The following DDX17 variants were observed in gnomAD, a reference collection of about 807,000 sequenced individuals.
DDX17 encodes probable ATP-dependent RNA helicase DDX17.
In DDX17, 10 loss-of-function variants were observed where a neutral mutation model predicts 80.8. The observed-to-expected ratio is 0.12, with a 90% CI of 0.08 to 0.21. DDX17 has a LOEUF of 0.21. Ranked by LOEUF, DDX17 falls within the 10% of genes least tolerant of loss-of-function variation. DDX17 has a pLI of 1.00. For missense variants in DDX17, 586 were observed against 957.4 expected (o/e 0.61, Z 5.12); for synonymous variants, 339 against 336.2 (o/e 1.01, Z -0.09).
At chr22:38,495,372 A>G (rs978488606) in intron 6 of DDX17, among the ~76,000 whole-genome samples, 2 of 147,606 alleles carry the variant, frequency 1.4e-5, no homozygotes, top group African/African-American at 2.5e-5. Context: ...CAGCCTCCCC[A>G]GTAGCTGGGA....
At chr22:38,493,514 C>T (rs1453198594) in intron 10 of DDX17, 196 bp downstream of exon 10, 3 of 581,204 alleles carry the variant, frequency 5.2e-6, no homozygotes, top group Non-Finnish European at 6.3e-6. Context: ...TACATATTAT[C>T]TACAGCCTAC....
intron 10 of DDX17, 50 bp from the exon 11 acceptor site, chr22:38,492,165 G>A: frequency 2.0e-6 from 3 of 1,494,358 alleles, no homozygotes; most frequent in Non-Finnish European, 1.8e-6. Context: ...CTTGCTATCT[G>A]ATCTGTTTAC....
intron 11 of DDX17, chr22:38,490,428 T>C (rs1466908673): frequency 1.6e-6 from 2 of 1,289,244 alleles, no homozygotes; most frequent in African/African-American, 3.0e-5. Context: ...GCAGCTGATA[T>C]CAAAGCTTCT....
Position 38,495,752 on chromosome 22 carries a change from A to G in DDX17, c.880+44T>C, listed in dbSNP as rs1368904111. On this transcript the variant is annotated intron_variant, in intron 6 of 12. Transcript: ENST00000403230. ...TCCAATTTCCTCCACAGGAATTGGT[A>G]AAGTAAGATAAACTAACAATTCTTT... 8 of 1,413,720 alleles carry G rather than the reference A, an allele frequency of 5.7e-6. No homozygotes were observed. In the African/African-American group the frequency reaches 5.8e-5, roughly 10 times the overall value. 87.6% of individuals were successfully genotyped at this position (1,413,720 alleles called of 1,614,324 possible).
rs942995935 is a variant in DDX17, at chr22:38,485,031, TGCA to T, written c.*901_*903del. On this transcript the variant is annotated 3_prime_UTR_variant, in exon 13 of 13. Coordinates refer to ENST00000403230, the MANE Select transcript of DDX17 (RefSeq NM_006386.5). ...TTATAATTAAATGTGCTTTTTACAC[TGCA>T]GGTCAATATAAAAACTGGTTAGTAA... The T allele has an allele frequency of 2.0e-4, 30 of 152,240 alleles. No individual in the cohort carries two copies. The highest frequency in any genetic ancestry group is 7.2e-4 in the African/African-American group (30 of 41,464). The allele number at this position is 152,240 out of a possible 1,614,324, so 9.4% of individuals were successfully genotyped here.
At chr22:38,493,433 C>A in intron 10 of DDX17, 1 of 327,732 alleles carries the variant, frequency 3.1e-6, no homozygotes, top group Non-Finnish European at 5.6e-6. Context: ...GTGATCCACG[C>A]GCCTCAGCCT....
chr22:38,502,492 C>T (rs1439464749), intron 1 of DDX17, among the ~76,000 whole-genome samples: 1 of 151,104 alleles, frequency 6.6e-6, no homozygotes, highest in African/African-American at 2.4e-5. Flanking sequence ...CTATCTCCTT[C>T]TTGTTCCCAA....
At chr22:38,499,731 T>A (rs1235030284) in intron 2 of DDX17, among the ~76,000 whole-genome samples, 1 of 152,054 alleles carries the variant, frequency 6.6e-6, no homozygotes, top group African/African-American at 2.4e-5. Context: ...AGAAAAAAGA[T>A]AAGTAACTTG....
rs2089644171 is a variant in DDX17, at chr22:38,485,351, A to G, written c.*584T>C. 6.6e-6 allele frequency: 1 copy of G among 152,234 alleles called. No individual in the cohort carries two copies. Among genetic ancestry groups the G allele is most frequent in the Admixed American group, 6.5e-5 (1 of 15,280 alleles). The allele number at this position is 152,234 out of a possible 1,614,324, so 9.4% of individuals were successfully genotyped here. On this transcript the variant is annotated 3_prime_UTR_variant, in exon 13 of 13. Transcript: ENST00000403230. ...AAATAAAACCAATTAGTAATTTTTAACTATCAAATGCACTCCAGCAATCAG... is the reference window on the plus strand; with the variant it reads ...AAATAAAACCAATTAGTAATTTTTAGCTATCAAATGCACTCCAGCAATCAG...
At chr22:38,492,227 T>A in intron 10 of DDX17, 112 bp from the exon 11 acceptor site, 1 of 798,624 alleles carries the variant, frequency 1.3e-6, no homozygotes, top group Admixed American at 3.0e-5. Flanking sequence ...CAAGCTCTTG[T>A]AATGACTGAC....
rs146665711 is a variant in DDX17 at position 38,494,207 on chromosome 22, C to T, written c.1215-76G>A. 8 of 993,528 alleles carry T rather than the reference C, an allele frequency of 8.1e-6. No homozygotes were observed. The African/African-American group carries it at 1.1e-4, about 14-fold the overall frequency. The allele number at this position is 993,528 out of a possible 1,614,324, so 61.5% of individuals were successfully genotyped here. A position where few individuals can be genotyped will look rare whatever the true frequency, so the allele number is the denominator to read the frequency against. ...ACGATTATGTCTGCAATATCAACTC[C>T]CAAGGCTACAGTACTTTCTTTGCAC... On this transcript the variant is annotated intron_variant, in intron 8 of 12. Coordinates refer to ENST00000403230, the MANE Select transcript of DDX17 (RefSeq NM_006386.5).
At chr22:38,498,984 C>G (rs932864638) in intron 3 of DDX17, among the ~76,000 whole-genome samples, 16 of 152,146 alleles carry the variant, frequency 1.1e-4, no homozygotes, top group Non-Finnish European at 1.8e-4. Flanking sequence ...TGCACTTCAG[C>G]CTGGGTGACA....
rs886647205 is a variant in DDX17, at chr22:38,485,479, G to A, written c.*456C>T. 6.6e-6 allele frequency: 1 copy of A among 151,996 alleles called. No homozygotes were observed. Among genetic ancestry groups the A allele is most frequent in the Non-Finnish European group, 1.5e-5 (1 of 68,050 alleles). 9.4% of individuals were successfully genotyped at this position (151,996 alleles called of 1,614,324 possible). A position where few individuals can be genotyped will look rare whatever the true frequency, so the allele number is the denominator to read the frequency against. On this transcript the variant is annotated 3_prime_UTR_variant, in exon 13 of 13. Transcript: ENST00000403230. ...TCTTTGTTTTCTAACCCAGTAATGA[G>A]AAATTTAAAGCACAGATGCCATCTT...
chr22:38,489,698 C>A lies in DDX17; in HGVS notation c.1448-1583G>T. The A allele has an allele frequency of 4.1e-6, 4 of 985,110 alleles. No individual in the cohort carries two copies. The highest frequency in any genetic ancestry group is 4.8e-6 in the Non-Finnish European group (4 of 829,914). 61.0% of individuals were successfully genotyped at this position (985,110 alleles called of 1,614,324 possible). A position where few individuals can be genotyped will look rare whatever the true frequency, so the allele number is the denominator to read the frequency against. On this transcript the variant is annotated intron_variant, in intron 11 of 12. Coordinates refer to ENST00000403230, the MANE Select transcript of DDX17 (RefSeq NM_006386.5). The surrounding 1 kb of genome is among the most constrained non-coding windows in gnomAD (Gnocchi z 4.6). ...TGTCTGTTTCTTATTACAATAAAGG[C>A]TCCTCGGTCTTTACTGACCCCTAAA...
At chr22:38,499,294 C>T (rs2089802939) in intron 3 of DDX17, 106 bp downstream of exon 3, 3 of 808,178 alleles carry the variant, frequency 3.7e-6, no homozygotes, top group Middle Eastern at 4.5e-4. Context: ...AATCTCTTGT[C>T]CTTTCAACAA....
At chr22:38,496,370 C>CA (rs1424938819) in intron 5 of DDX17, among the ~76,000 whole-genome samples, 2 of 152,152 alleles carry the variant, frequency 1.3e-5, no homozygotes, top group Non-Finnish European at 2.9e-5. Context: ...TTTTCTGAGA[C>CA]AAAGTCTCAC....
Position 38,489,018 on chromosome 22 carries a change from G to A in DDX17, c.1448-903C>T, listed in dbSNP as rs200810548. 4.1e-6 allele frequency: 4 copies of A among 985,030 alleles called. No homozygotes were observed. The highest frequency in any genetic ancestry group is 1.1e-4 in the East Asian group (1 of 8,818). The allele number at this position is 985,030 out of a possible 1,614,324, so 61.0% of individuals were successfully genotyped here. ...GGAATTGGGCTGAATAACCTCCTAA[G>A]GCTTAAAATGTAAATGTTAGTGTAA... is the stretch of plus-strand genomic sequence containing the variant. On this transcript the variant is annotated intron_variant, in intron 11 of 12. Coordinates refer to ENST00000403230, the MANE Select transcript of DDX17 (RefSeq NM_006386.5). The surrounding 1 kb of genome is among the most constrained non-coding windows in gnomAD (Gnocchi z 4.6).
rs1296493598 is a variant in DDX17 at position 38,485,978 on chromosome 22, T to C, written c.2147A>G (p.Gln716Arg). Reference sequence around the variant, plus strand: ...AGGAGGGGGAGGAGGAGGAGGGTATTGGTAGGCAGTCTGCCCCATGTAACC... The same window carrying C: ...AGGAGGGGGAGGAGGAGGAGGGTATCGGTAGGCAGTCTGCCCCATGTAACC... The change falls in exon 13 of 13, where the codon CAA becomes CGA. Residue 716 changes from glutamine (Q) to arginine (R), a missense_variant. Coordinates refer to ENST00000403230, the MANE Select transcript of DDX17 (RefSeq NM_006386.5). 6.2e-7 allele frequency: 1 copy of C among 1,613,890 alleles called. No homozygotes were observed. Among genetic ancestry groups the C allele is most frequent in the Admixed American group, 1.7e-5 (1 of 59,994 alleles).
Position 38,485,359 on chromosome 22 carries a change from A to G in DDX17, c.*576T>C, listed in dbSNP as rs922893655. 1.3e-5 allele frequency: 2 copies of G among 152,210 alleles called. No individual in the cohort carries two copies. The highest frequency in any genetic ancestry group is 2.9e-5 in the Non-Finnish European group (2 of 68,042). The allele number at this position is 152,210 out of a possible 1,614,324, so 9.4% of individuals were successfully genotyped here. A position where few individuals can be genotyped will look rare whatever the true frequency, so the allele number is the denominator to read the frequency against. On this transcript the variant is annotated 3_prime_UTR_variant, in exon 13 of 13. Coordinates refer to ENST00000403230, the MANE Select transcript of DDX17 (RefSeq NM_006386.5). The stretch of plus-strand genomic sequence containing the variant: ...CCAATTAGTAATTTTTAACTATCAA[A>G]TGCACTCCAGCAATCAGTCAAAACA...
Sources: gnomAD v4.1 joint callset for allele counts (sites outside exome capture counted in the v4.1 genomes callset) on GRCh38, gnomAD v4.1.1 for gene constraint, Gnocchi (gnomAD v3.1) non-coding constraint, MANE v1.5 for transcripts, NCBI Gene and HGNC (gene_info 2026-07-23, HGNC 2026-07-21) for gene names.